Variants in CPNE4 observed in about 807,000 individuals in gnomAD.
CPNE4 encodes copine 4, also known as copine-4.
CPNE4 carries 25 observed loss-of-function variants against 67.9 expected under a neutral mutation model. That is an observed-to-expected ratio of 0.37 (90% CI 0.27 to 0.51). The LOEUF is 0.51. Among genes scored for constraint, CPNE4 ranks in the 20% least tolerant of loss-of-function variants. The pLI, the probability that CPNE4 is intolerant of heterozygous loss-of-function variation, is 0.93. For missense variants in CPNE4, 464 were observed against 690.8 expected, an observed-to-expected ratio of 0.67 and a Z score of 3.68; for synonymous variants, 242 against 244.9, an observed-to-expected ratio of 0.99 and a Z score of 0.11.
At chr3:131,681,646 T>C (rs2080758591) in intron 6 of CPNE4, among the ~76,000 whole-genome samples, 1 of 152,204 alleles carries the variant, frequency 6.6e-6, no homozygotes, top group Non-Finnish European at 1.5e-5. Flanking sequence ...AACCTTCTTG[T>C]ACTTGAATGT....
In CPNE4 at chr3:131,594,756, G is replaced by A. The variant is rs150958796; in HGVS notation, c.682-7174C>T. Among the ~76,000 whole-genome samples the A allele has an allele frequency of 1.6e-4, 24 of 152,214 alleles. No individual in the cohort carries two copies. In the East Asian group the frequency reaches 2.7e-3, roughly 17 times the overall value. ...AAAGGAAATAATCAACAGAATTAAC[G>A]GGCAACCTATGGAATGGCATAAAAT... On this transcript the variant is annotated intron_variant, in intron 7 of 15. Transcript: ENST00000429747.
intron 2 of CPNE4, among the ~76,000 whole-genome samples, chr3:131,892,475 C>A (rs898823697): frequency 6.6e-6 from 1 of 152,046 alleles, no homozygotes; most frequent in Non-Finnish European, 1.5e-5. Flanking sequence ...TAAGTACTAT[C>A]ATGAAAACAC....
chr3:131,918,360 C>T lies in CPNE4; in HGVS notation c.-1-12916G>A, dbSNP rs571095725. Among the ~76,000 whole-genome samples, 4 of 152,268 alleles carry T rather than the reference C, an allele frequency of 2.6e-5. No individual in the cohort carries two copies. The South Asian group carries it at 8.3e-4, about 32-fold the overall frequency. On this transcript the variant is annotated intron_variant, in intron 1 of 15. Coordinates refer to ENST00000429747, the MANE Select transcript of CPNE4 (RefSeq NM_130808.3). The stretch of plus-strand genomic sequence containing the variant: ...TTAGACACAAAATATTTATTTAATA[C>T]TTCGAGTATGTGCTGAGAACCATGG...
chr3:131,789,524 A>C (rs2083657941), intron 2 of CPNE4, among the ~76,000 whole-genome samples: 1 of 152,164 alleles, frequency 6.6e-6, no homozygotes, highest in Admixed American at 6.6e-5. Flanking sequence ...CCCTCTATTT[A>C]ATGGGAGATC....
chr3:131,966,931 T>G (rs1001670613), intron 1 of CPNE4, among the ~76,000 whole-genome samples: 1 of 152,044 alleles, frequency 6.6e-6, no homozygotes, highest in Non-Finnish European at 1.5e-5. Flanking sequence ...CAAAGAAAAT[T>G]TCAGGCCAAT....
chr3:131,887,985 C>T (rs1460592702), intron 2 of CPNE4, among the ~76,000 whole-genome samples: 2 of 152,180 alleles, frequency 1.3e-5, no homozygotes, highest in African/African-American at 4.8e-5. Flanking sequence ...CCTAGCCTAA[C>T]ACTTGGGTGA....
chr3:132,023,989 C>T (rs2074060729), intron 1 of CPNE4, among the ~76,000 whole-genome samples: 2 of 151,956 alleles, frequency 1.3e-5, no homozygotes, highest in South Asian at 4.1e-4. Flanking sequence ...TACAGCAGTT[C>T]TTAACGGGTA....
chr3:131,785,215 G>C (rs576178484), intron 2 of CPNE4, among the ~76,000 whole-genome samples: 45 of 152,028 alleles, frequency 3.0e-4, no homozygotes, highest in Non-Finnish European at 6.0e-4. Context: ...TGAGTAAACT[G>C]AGGCTTAGGG....
At chr3:131,648,243 G>T (rs1015739139) in intron 7 of CPNE4, among the ~76,000 whole-genome samples, 3 of 152,164 alleles carry the variant, frequency 2.0e-5, no homozygotes, top group African/African-American at 7.2e-5. Flanking sequence ...GTGATGGCAT[G>T]CATCTGTAGT....
chr3:131,843,533 A>G (rs991325876), intron 2 of CPNE4, among the ~76,000 whole-genome samples: 1 of 152,252 alleles, frequency 6.6e-6, no homozygotes, highest in Non-Finnish European at 1.5e-5. Context: ...TAAAAGATGA[A>G]GTAACGTGTG....
intron 6 of CPNE4, among the ~76,000 whole-genome samples, chr3:131,671,468 T>C (rs1275224313): frequency 6.7e-6 from 1 of 150,364 alleles, no homozygotes; most frequent in South Asian, 2.1e-4. Flanking sequence ...CATGTGTGTG[T>C]GTGTGTGTGT....
At position 131,984,506 on chromosome 3, in the gene CPNE4, A is replaced by T. The variant is rs563455382; in HGVS notation, c.-2+50061T>A. The stretch of plus-strand genomic sequence containing the variant: ...TCCCCCACCTCTATCAAAGTAGTTG[A>T]TGTGTAAACAAGCTTCTGGCATGAA... On this transcript the variant is annotated intron_variant, in intron 1 of 15. Coordinates refer to ENST00000429747, the MANE Select transcript of CPNE4 (RefSeq NM_130808.3). Among the ~76,000 whole-genome samples, 2 of 152,184 alleles carry T rather than the reference A, an allele frequency of 1.3e-5. 1 individual carries two copies. The highest frequency in any genetic ancestry group is 4.1e-4 in the South Asian group (2 of 4,834).
intron 7 of CPNE4, among the ~76,000 whole-genome samples, chr3:131,597,190 G>A (rs1938927623): frequency 6.6e-6 from 1 of 151,924 alleles, no homozygotes; most frequent in East Asian, 1.9e-4. Context: ...AACTACTGCT[G>A]TTATAGAATA....
chr3:131,788,009 A>G (rs1428981470), intron 2 of CPNE4, among the ~76,000 whole-genome samples: 2 of 152,198 alleles, frequency 1.3e-5, no homozygotes, highest in Non-Finnish European at 2.9e-5. Flanking sequence ...TTCAAAATGA[A>G]TGGCGAATGT....
chr3:131,946,071 G>A (rs1170554428), intron 1 of CPNE4, among the ~76,000 whole-genome samples: 1 of 152,040 alleles, frequency 6.6e-6, no homozygotes, highest in East Asian at 1.9e-4. Context: ...CAATTCAGTG[G>A]GATTCAGCAC....
chr3:131,540,484 G>C (rs965207444), intron 15 of CPNE4, among the ~76,000 whole-genome samples: 3 of 152,228 alleles, frequency 2.0e-5, no homozygotes, highest in African/African-American at 7.2e-5. Context: ...ATATGCTAAA[G>C]GCTCTCACAC....
At chr3:132,018,381 C>T (rs1466075208) in intron 1 of CPNE4, among the ~76,000 whole-genome samples, 1 of 152,204 alleles carries the variant, frequency 6.6e-6, no homozygotes, top group Non-Finnish European at 1.5e-5. Context: ...AACTACTATC[C>T]TGTACTCCTG....
At chr3:132,037,606 C>T, upstream of CPNE4, 1 of 1,535,990 alleles carries the variant, frequency 6.5e-7, no homozygotes, top group East Asian at 2.4e-5. Context: ...GGTTCTACAG[C>T]CATGGTCAAA....
intron 2 of CPNE4, among the ~76,000 whole-genome samples, chr3:131,801,438 G>GTA (rs1583222537): frequency 1.1e-5 from 1 of 90,618 alleles, no homozygotes; most frequent in African/African-American, 4.8e-5. Context: ...GTGTGTGTGT[G>GTA]TGTGTGTGTG....
Sources: allele counts gnomAD v4.1 joint callset (sites outside exome capture counted in the v4.1 genomes callset), GRCh38; gene constraint gnomAD v4.1.1; transcripts MANE v1.5; gene names NCBI Gene and HGNC (gene_info 2026-07-23, HGNC 2026-07-21).